Variants in PARD3 observed in about 807,000 individuals in gnomAD.
PARD3 encodes the protein par-3 family cell polarity regulator, also known as partitioning defective 3 homolog.
A neutral mutation model predicts 155.4 loss-of-function variants in PARD3; 75 were observed. The observed-to-expected ratio is 0.48, with a 90% CI of 0.40 to 0.58. The LOEUF (loss-of-function observed/expected upper bound fraction) is 0.58. Among genes scored for constraint, PARD3 ranks in the 20% least tolerant of loss-of-function variants. The probability of loss-of-function intolerance (pLI) is 0.00; values close to 1 mark genes in which losing one functional copy is unlikely to be tolerated. For synonymous variants in PARD3, 576 were observed against 610.5 expected (o/e 0.94, Z 0.83); for missense variants, 1,642 against 1,721.7 (o/e 0.95, Z 0.82).
chr10:34,566,850 A>G (rs1404530828), intron 2 of PARD3, among the ~76,000 whole-genome samples: 1 of 152,232 alleles, frequency 6.6e-6, no homozygotes, highest in Non-Finnish European at 1.5e-5. Flanking sequence ...TATTGCTTAA[A>G]GATAAGAATA....
chr10:34,802,201 T>C (rs1842889230), intron 1 of PARD3, among the ~76,000 whole-genome samples: 1 of 152,114 alleles, frequency 6.6e-6, no homozygotes, highest in African/African-American at 2.4e-5. Context: ...AGAATCAGCT[T>C]AAACTGTTGG....
At chr10:34,767,565 T>C (rs1376985106) in intron 1 of PARD3, among the ~76,000 whole-genome samples, 1 of 151,326 alleles carries the variant, frequency 6.6e-6, no homozygotes, top group Non-Finnish European at 1.5e-5. Flanking sequence ...GGTGGGACTA[T>C]ACAATTACAG....
chr10:34,175,516 T>C (rs778063637), intron 22 of PARD3, among the ~76,000 whole-genome samples: 2 of 152,194 alleles, frequency 1.3e-5, no homozygotes, highest in Non-Finnish European at 2.9e-5. Flanking sequence ...TCTACATGAA[T>C]TTTTGACTCA....
At chr10:34,647,370 G>T (rs1273344463) in intron 2 of PARD3, among the ~76,000 whole-genome samples, 1 of 152,186 alleles carries the variant, frequency 6.6e-6, no homozygotes, top group Non-Finnish European at 1.5e-5. Flanking sequence ...AACAGGGAAG[G>T]TCACTTCAAA....
chr10:34,417,677 C>CAACT (rs1206032556), intron 5 of PARD3, among the ~76,000 whole-genome samples: 2 of 152,068 alleles, frequency 1.3e-5, no homozygotes, highest in Non-Finnish European at 2.9e-5. Context: ...TTTCAATTAC[C>CAACT]AACTGCATTT....
intron 12 of PARD3, among the ~76,000 whole-genome samples, chr10:34,371,526 AAAAAAAC>A (rs1840647683): frequency 3.0e-5 from 2 of 66,894 alleles, no homozygotes; most frequent in Non-Finnish European, 2.5e-5. Context: ...AAAAAAAAAA[AAAAAAAC>A]AACGAAGGAA....
intron 1 of PARD3, among the ~76,000 whole-genome samples, chr10:34,773,554 T>C (rs1839169866): frequency 6.6e-6 from 1 of 152,332 alleles, no homozygotes; most frequent in Non-Finnish European, 1.5e-5. Flanking sequence ...TCCGAGAAGA[T>C]GCAGTCTTTT....
At chr10:34,683,797 T>A (rs2093892839) in intron 2 of PARD3, among the ~76,000 whole-genome samples, 1 of 152,098 alleles carries the variant, frequency 6.6e-6, no homozygotes, top group Non-Finnish European at 1.5e-5. Flanking sequence ...CCCTCCGAAC[T>A]CCCTTTCACT....
chr10:34,124,057 G>C (rs964869455), intron 23 of PARD3, among the ~76,000 whole-genome samples: 1 of 152,124 alleles, frequency 6.6e-6, no homozygotes, highest in Non-Finnish European at 1.5e-5. Context: ...TAGTGTGTAA[G>C]TATGTGTGGG....
At chr10:34,535,997 TA>T (rs964716222) in intron 2 of PARD3, among the ~76,000 whole-genome samples, 15 of 151,894 alleles carry the variant, frequency 9.9e-5, no homozygotes, top group Non-Finnish European at 1.8e-4. Flanking sequence ...ATAGTGTTGT[TA>T]AAAAAAACTG....
At chr10:34,697,054 A>ACC (rs1490038158) in intron 1 of PARD3, among the ~76,000 whole-genome samples, 3 of 145,200 alleles carry the variant, frequency 2.1e-5, no homozygotes, top group African/African-American at 8.2e-5. Flanking sequence ...ACACACACAC[A>ACC]CCCCCCTCAA....
chr10:34,162,775 A>G (rs1283508308), intron 22 of PARD3, among the ~76,000 whole-genome samples: 1 of 152,150 alleles, frequency 6.6e-6, no homozygotes, highest in East Asian at 1.9e-4. Context: ...ATTTGACCTG[A>G]TAGGCTAGAA....
At position 34,401,926 on chromosome 10, in the gene PARD3, A is replaced by G. The variant is rs1255810389; in HGVS notation, c.715-9T>C. ...TCTGTCCCATCCTCATCCTAGAGGC[A>G]GCCAACACAAAGAAAAGTACACTCT... On this transcript the variant is annotated splice_polypyrimidine_tract_variant and intron_variant, in intron 5 of 24. Coordinates refer to ENST00000374788, the MANE Select transcript of PARD3 (RefSeq NM_001184785.2). 1 of 1,605,580 alleles carries G rather than the reference A, an allele frequency of 6.2e-7. No homozygotes were observed. Among genetic ancestry groups the G allele is most frequent in the Non-Finnish European group, 8.5e-7 (1 of 1,172,248 alleles).
intron 2 of PARD3, among the ~76,000 whole-genome samples, chr10:34,694,329 T>C (rs975997283): frequency 3.9e-5 from 6 of 152,038 alleles, no homozygotes; most frequent in Non-Finnish European, 7.4e-5. Context: ...AGCCACACAA[T>C]AAATGAAAGA....
At chr10:34,380,089 T>C (rs1841675011) in intron 9 of PARD3, among the ~76,000 whole-genome samples, 1 of 152,086 alleles carries the variant, frequency 6.6e-6, no homozygotes, top group Non-Finnish European at 1.5e-5. Context: ...AAGAAAAAAA[T>C]CTGCTAGCTA....
At chr10:34,563,315 A>G (rs1217126098) in intron 2 of PARD3, among the ~76,000 whole-genome samples, 5 of 152,206 alleles carry the variant, frequency 3.3e-5, no homozygotes, top group Admixed American at 2.6e-4. Flanking sequence ...AAGTATGTAC[A>G]TATCACTGCA....
At chr10:34,806,374 TAAGTA>T (rs1327329921) in intron 1 of PARD3, among the ~76,000 whole-genome samples, 6 of 152,092 alleles carry the variant, frequency 3.9e-5, no homozygotes, top group African/African-American at 1.2e-4. Context: ...TTTTGTACTT[TAAGTA>T]GAGATGGGGT....
At chr10:34,427,430 G>C (rs1166631513) in intron 5 of PARD3, among the ~76,000 whole-genome samples, 1 of 152,180 alleles carries the variant, frequency 6.6e-6, no homozygotes, top group Admixed American at 6.5e-5. Flanking sequence ...GGCTTGCTAG[G>C]ATTAGGAAAT....
chr10:34,718,900 T>G (rs1027870191), intron 1 of PARD3, among the ~76,000 whole-genome samples: 2 of 152,028 alleles, frequency 1.3e-5, no homozygotes, highest in African/African-American at 4.8e-5. Flanking sequence ...AAGGAGCAGG[T>G]TGCAGTGAGC....
Sources: gnomAD v4.1 joint callset for allele counts (sites outside exome capture counted in the v4.1 genomes callset) on GRCh38, gnomAD v4.1.1 for gene constraint, MANE v1.5 for transcripts, NCBI Gene and HGNC (gene_info 2026-07-23, HGNC 2026-07-21) for gene names.